Variants in OCA2 observed in about 807,000 individuals in gnomAD.
OCA2 encodes the protein OCA2 melanosomal transmembrane protein, also known as P protein.
OCA2 carries 77 observed loss-of-function variants against 100.2 expected under a neutral mutation model. The observed-to-expected ratio is 0.77, with a 90% CI of 0.64 to 0.93. The LOEUF is 0.93. Among genes scored for constraint, OCA2 ranks in the 40% least tolerant of loss-of-function variants. OCA2 has a pLI of 0.00. For missense variants in OCA2, 1,062 were observed against 1,089.1 expected, an observed-to-expected ratio of 0.98 and a Z score of 0.35; for synonymous variants, 432 against 439.2, an observed-to-expected ratio of 0.98 and a Z score of 0.21.
At chr15:28,054,789 A>G (rs1163166869) in intron 2 of OCA2, among the ~76,000 whole-genome samples, 1 of 152,210 alleles carries the variant, frequency 6.6e-6, no homozygotes, top group East Asian at 1.9e-4. Flanking sequence ...TAAAGAAAAG[A>G]GGTTTAATTG....
At chr15:27,780,859 T>A (rs1011467423) in intron 23 of OCA2, among the ~76,000 whole-genome samples, 6 of 152,198 alleles carry the variant, frequency 3.9e-5, no homozygotes, top group Non-Finnish European at 7.3e-5. Context: ...CTACTTTAGA[T>A]TTTTTAATGG....
intron 14 of OCA2, among the ~76,000 whole-genome samples, chr15:27,971,864 C>T (rs79682853): frequency 0.024 from 3,582 of 151,956 alleles, 153 homozygotes; most frequent in African/African-American, 0.082. Context: ...AAGTGGTTTT[C>T]GGTTACATGG....
chr15:27,816,218 G>C (rs1297795850), intron 23 of OCA2, among the ~76,000 whole-genome samples: 1 of 152,152 alleles, frequency 6.6e-6, no homozygotes, highest in Non-Finnish European at 1.5e-5. Flanking sequence ...ACTTACATTA[G>C]AAGAAGGAGG....
chr15:27,868,581 G>A (rs533358645), intron 21 of OCA2, among the ~76,000 whole-genome samples: 1 of 152,256 alleles, frequency 6.6e-6, no homozygotes, highest in Admixed American at 6.5e-5. Context: ...GATGGGCAGA[G>A]GCTGCTCAAT....
At chr15:27,865,798 G>A (rs2036297887) in intron 21 of OCA2, among the ~76,000 whole-genome samples, 1 of 152,158 alleles carries the variant, frequency 6.6e-6, no homozygotes, top group African/African-American at 2.4e-5. Context: ...ATCAGCAGCA[G>A]GTGCAGAGGG....
At chr15:27,950,510 C>G (rs538374295) in intron 18 of OCA2, 4 of 516,456 alleles carry the variant, frequency 7.7e-6, no homozygotes, top group African/African-American at 1.9e-5. Flanking sequence ...CCAAGCAGAT[C>G]AGCTCTCAGG....
intron 23 of OCA2, among the ~76,000 whole-genome samples, chr15:27,762,855 T>C (rs2030953869): frequency 6.6e-6 from 1 of 152,250 alleles, no homozygotes; most frequent in Non-Finnish European, 1.5e-5. Context: ...ATAACACATG[T>C]ACCTGTTATT....
At chr15:27,767,349 T>TG (rs2031345383) in intron 23 of OCA2, among the ~76,000 whole-genome samples, 1 of 152,208 alleles carries the variant, frequency 6.6e-6, no homozygotes, top group African/African-American at 2.4e-5. Flanking sequence ...CAACAGCAGT[T>TG]GGGGTGTCCT....
intron 23 of OCA2, among the ~76,000 whole-genome samples, chr15:27,774,244 C>T (rs1312409831): frequency 6.6e-6 from 1 of 152,162 alleles, no homozygotes; most frequent in East Asian, 1.9e-4. Flanking sequence ...AAGGCCCCAT[C>T]GAGTGCATTC....
intron 19 of OCA2, among the ~76,000 whole-genome samples, chr15:27,908,038 C>A (rs1234741334): frequency 6.6e-6 from 1 of 151,768 alleles, no homozygotes; most frequent in Admixed American, 6.6e-5. Flanking sequence ...GATACCTAAA[C>A]CACGTAAAGA....
chr15:27,902,740 G>A (rs1012219476), intron 19 of OCA2, among the ~76,000 whole-genome samples: 1 of 152,202 alleles, frequency 6.6e-6, no homozygotes, highest in African/African-American at 2.4e-5. Context: ...CTCTTCCTCT[G>A]CAGGCTGGGG....
chr15:27,917,468 T>C (rs1204163088), intron 19 of OCA2, among the ~76,000 whole-genome samples: 1 of 152,224 alleles, frequency 6.6e-6, no homozygotes, highest in Non-Finnish European at 1.5e-5. Context: ...TATAACCTGT[T>C]CGCCTGAATT....
chr15:27,768,454 T>C (rs4778179), intron 23 of OCA2, among the ~76,000 whole-genome samples: 26,047 of 152,062 alleles, frequency 0.17, 2,900 homozygotes, highest in East Asian at 0.58. Context: ...TATTATCTTC[T>C]CCTGCCTGGA....
Position 27,845,040 on chromosome 15 carries a change from A to G in OCA2, c.2351T>C (p.Leu784Pro), listed in dbSNP as rs1407345721. ...CACGACGTTTGCCGACGCGCCAATC[A>G]GTGTCCCGTTACCTAAAGTCAAAAT... is the stretch of plus-strand genomic sequence containing the variant. ...FGACLGGNGT[L>P]IGASANVVCA... The change falls in exon 23 of 24, where the codon CTG (leucine) becomes CCG (proline). Residue 784 changes from leucine (L) to proline (P), a missense_variant. Transcript: ENST00000354638. 1 of 1,613,798 alleles carries G rather than the reference A, an allele frequency of 6.2e-7. No individual in the cohort carries two copies.
chr15:27,954,116 TACACAC>T (rs200633980), intron 17 of OCA2, among the ~76,000 whole-genome samples: 147 of 46,484 alleles, frequency 3.2e-3, no homozygotes, highest in Non-Finnish European at 9.7e-3. Context: ...TTCCATGGCA[TACACAC>T]ACACACACAC....
intron 2 of OCA2, among the ~76,000 whole-genome samples, chr15:28,069,974 C>G (rs1464496958): frequency 8.5e-6 from 1 of 116,960 alleles, no homozygotes; most frequent in Non-Finnish European, 1.5e-5. Context: ...TCTTCCCAGC[C>G]GCCATCACAT....
chr15:28,003,138 A>C (rs767921987), intron 9 of OCA2, among the ~76,000 whole-genome samples: 26 of 152,260 alleles, frequency 1.7e-4, no homozygotes, highest in Non-Finnish European at 3.8e-4. Context: ...CTGGCCTGCA[A>C]GGAGAGCTGA....
At chr15:27,892,193 G>C (rs2037490132) in intron 19 of OCA2, among the ~76,000 whole-genome samples, 2 of 151,898 alleles carry the variant, frequency 1.3e-5, no homozygotes, top group South Asian at 4.2e-4. Context: ...TGGAAGAACT[G>C]AACAACACTG....
chr15:27,919,703 T>C (rs537938492), intron 19 of OCA2, among the ~76,000 whole-genome samples: 1 of 152,292 alleles, frequency 6.6e-6, no homozygotes, highest in Non-Finnish European at 1.5e-5. Context: ...TGGATACATG[T>C]CATTATACCT....
Sources: allele counts gnomAD v4.1 joint callset (sites outside exome capture counted in the v4.1 genomes callset), GRCh38; gene constraint gnomAD v4.1.1; transcripts MANE v1.5; gene names NCBI Gene and HGNC (gene_info 2026-07-23, HGNC 2026-07-21).